The following PRLR variants were observed in gnomAD, a reference collection of about 807,000 sequenced individuals.
The protein encoded by PRLR is hPRL receptor.
PRLR carries 13 observed loss-of-function variants against 40.2 expected under a neutral mutation model. The observed-to-expected ratio is 0.32, with a 90% CI of 0.21 to 0.51. The LOEUF (loss-of-function observed/expected upper bound fraction) is 0.51, where lower values mean the gene tolerates loss of function less well. Ranked by LOEUF, PRLR falls within the 20% of genes least tolerant of loss-of-function variation. The pLI, the probability that PRLR is intolerant of heterozygous loss-of-function variation, is 0.97. For missense variants in PRLR, 656 were observed against 747.3 expected (o/e 0.88, Z 1.42); for synonymous variants, 269 against 278.7 (o/e 0.97, Z 0.35).
intron 1 of PRLR, among the ~76,000 whole-genome samples, chr5:35,226,050 C>T (rs991282203): frequency 2.0e-5 from 3 of 152,212 alleles, no homozygotes; most frequent in African/African-American, 7.2e-5. Flanking sequence ...ATTTACAGTA[C>T]ATCTCAATAT....
At chr5:35,117,979 G>T in intron 2 of PRLR, 82 bp downstream of exon 2, 1 of 725,918 alleles carries the variant, frequency 1.4e-6, no homozygotes, top group Non-Finnish European at 1.7e-6. Context: ...AACCAAGATA[G>T]TTGAGCCCCT....
chr5:35,092,978 C>T (rs1024336964), intron 2 of PRLR, among the ~76,000 whole-genome samples: 3 of 152,146 alleles, frequency 2.0e-5, no homozygotes, highest in Non-Finnish European at 2.9e-5. Flanking sequence ...TGTGGCCCAC[C>T]GTGGTATGAA....
At position 35,060,537 on chromosome 5, in the gene PRLR, C is replaced by T. The variant is rs967386984; in HGVS notation, c.*4552G>A. The T allele has an allele frequency of 6.6e-6, 1 of 152,160 alleles. No individual in the cohort carries two copies. Among genetic ancestry groups the T allele is most frequent in the African/African-American group, 2.4e-5 (1 of 41,412 alleles). The allele number at this position is 152,160 out of a possible 1,614,324, so 9.4% of individuals were successfully genotyped here. A position where few individuals can be genotyped will look rare whatever the true frequency, so the allele number is the denominator to read the frequency against. On this transcript the variant is annotated 3_prime_UTR_variant, in exon 10 of 10. Transcript: ENST00000618457. ...GAGAGGTCTTAGAAACCTTTTAGGC[C>T]AACCTACTTATTTAACAAGTAAGGA...
At chr5:35,122,678 T>G (rs1322285095) in intron 1 of PRLR, among the ~76,000 whole-genome samples, 3 of 152,196 alleles carry the variant, frequency 2.0e-5, no homozygotes, top group Non-Finnish European at 4.4e-5. Flanking sequence ...TGGCAATTGA[T>G]AGAGATTACA....
At chr5:35,086,120 T>C (rs2112461798) in intron 4 of PRLR, 88 bp downstream of exon 4, 3 of 1,504,678 alleles carry the variant, frequency 2.0e-6, no homozygotes, top group East Asian at 2.3e-5. Flanking sequence ...AATTCAGGGA[T>C]GTGCTGTCAC....
At chr5:35,050,322 T>G (rs1768452137) in intron 8 of PRLR, among the ~76,000 whole-genome samples, 1 of 152,268 alleles carries the variant, frequency 6.6e-6, no homozygotes, top group Non-Finnish European at 1.5e-5. Flanking sequence ...ATTCTCAGCC[T>G]AGGAGTCATT....
intron 1 of PRLR, among the ~76,000 whole-genome samples, chr5:35,223,528 A>G (rs1776473911): frequency 6.6e-6 from 1 of 152,098 alleles, no homozygotes; most frequent in Non-Finnish European, 1.5e-5. Context: ...ACCCATGTAC[A>G]TTTCCACTGC....
intron 6 of PRLR, among the ~76,000 whole-genome samples, chr5:35,071,756 C>G (rs37366): frequency 0.19 from 28,352 of 152,066 alleles, 3,107 homozygotes; most frequent in African/African-American, 0.29. Context: ...CACCACCATG[C>G]CTGGCTAAGT....
chr5:35,066,065 C>T lies in PRLR; in HGVS notation c.893G>A (p.Cys298Tyr), dbSNP rs1269808498. The T allele has an allele frequency of 6.2e-7, 1 of 1,614,102 alleles. No individual in the cohort carries two copies. The highest frequency in any genetic ancestry group is 8.5e-7 in the Non-Finnish European group (1 of 1,179,992). The part of the protein sequence containing the change: ...KSEELLSALG[C>Y]QDFPPTSDYE... Reference sequence around the variant, plus strand: ...GTCAGAAGTGGGAGGAAAGTCTTGGCATCCCAAGGCACTCAGTAGTTCTTC... The same window carrying T: ...GTCAGAAGTGGGAGGAAAGTCTTGGTATCCCAAGGCACTCAGTAGTTCTTC... Residue 298 changes from cysteine to tyrosine, a missense_variant, in exon 10 of 10, where the codon TGC becomes TAC. Physicochemically the swap from Cys to Tyr is radical, Grantham distance 194. This residue lies in a region of PRLR where 469 missense variants were observed against 491.5 expected (regional missense o/e 0.95). Coordinates refer to ENST00000618457, the MANE Select transcript of PRLR (RefSeq NM_000949.7).
intron 2 of PRLR, among the ~76,000 whole-genome samples, chr5:35,107,156 G>T (rs1772315496): frequency 2.0e-5 from 3 of 152,112 alleles, no homozygotes; most frequent in African/African-American, 4.8e-5. Flanking sequence ...AAGGCAGAAA[G>T]AAAGATGTTC....
intron 5 of PRLR, among the ~76,000 whole-genome samples, chr5:35,073,519 A>G (rs1769881640): frequency 6.6e-6 from 1 of 152,202 alleles, no homozygotes; most frequent in African/African-American, 2.4e-5. Context: ...ATGAAGTACT[A>G]TTATTGTACC....
At chr5:35,094,937 C>G (rs371988172) in intron 2 of PRLR, among the ~76,000 whole-genome samples, 4 of 151,134 alleles carry the variant, frequency 2.6e-5, no homozygotes, top group African/African-American at 9.7e-5. Context: ...AGGTGATTCT[C>G]CCACCTCAGC....
At chr5:35,066,357 T>C (rs1426382755) in intron 9 of PRLR, among the ~76,000 whole-genome samples, 1 of 152,156 alleles carries the variant, frequency 6.6e-6, no homozygotes, top group African/African-American at 2.4e-5. Flanking sequence ...GCAAGTAGTA[T>C]ATACACATAC....
At chr5:35,228,096 G>C (rs1776595680) in intron 1 of PRLR, among the ~76,000 whole-genome samples, 2 of 152,112 alleles carry the variant, frequency 1.3e-5, no homozygotes, top group Admixed American at 6.5e-5. Context: ...CCATAGGAGA[G>C]AGAGAGTAAG....
chr5:35,210,869 C>T (rs1452833353), intron 1 of PRLR, among the ~76,000 whole-genome samples: 1 of 152,060 alleles, frequency 6.6e-6, no homozygotes, highest in Non-Finnish European at 1.5e-5. Flanking sequence ...TGACACCATG[C>T]TCGTCTAATT....
At chr5:35,120,228 A>G (rs2111725951) in intron 1 of PRLR, among the ~76,000 whole-genome samples, 1 of 152,190 alleles carries the variant, frequency 6.6e-6, no homozygotes, top group South Asian at 2.1e-4. Flanking sequence ...CCACAAGACT[A>G]GTTAAGCAGT....
intron 1 of PRLR, among the ~76,000 whole-genome samples, chr5:35,187,059 G>A (rs899421597): frequency 5.3e-5 from 8 of 152,080 alleles, no homozygotes; most frequent in Non-Finnish European, 1.0e-4. Context: ...CAGGATCCTG[G>A]GCAAGCCGGT....
At chr5:35,199,447 T>A (rs1775821289) in intron 1 of PRLR, among the ~76,000 whole-genome samples, 1 of 152,210 alleles carries the variant, frequency 6.6e-6, no homozygotes, top group Non-Finnish European at 1.5e-5. Context: ...TAATTCTCAC[T>A]CTCTCCTATG....
chr5:35,093,061 A>C (rs1052539939), intron 2 of PRLR, among the ~76,000 whole-genome samples: 2 of 152,036 alleles, frequency 1.3e-5, no homozygotes, highest in Non-Finnish European at 2.9e-5. Context: ...TCTCTTTCCA[A>C]AAGCCTCTCT....
Sources: gnomAD v4.1 joint callset for allele counts (sites outside exome capture counted in the v4.1 genomes callset) on GRCh38, gnomAD v4.1.1 for gene constraint, gnomAD v4.1.1 regional missense constraint, MANE v1.5 for transcripts, NCBI Gene and HGNC (gene_info 2026-07-23, HGNC 2026-07-21) for gene names.